The following PCDH15 variants were observed in gnomAD, a reference collection of about 807,000 sequenced individuals.
The protein encoded by PCDH15 is protocadherin related 15, also known as protocadherin-15.
PCDH15 carries 129 observed loss-of-function variants against 178.5 expected under a neutral mutation model. That is an observed-to-expected ratio of 0.72 (90% CI 0.63 to 0.84). The LOEUF (loss-of-function observed/expected upper bound fraction) is 0.84, where lower values mean the gene tolerates loss of function less well. Ranked by LOEUF, PCDH15 falls within the 40% of genes least tolerant of loss-of-function variation. The pLI, the probability that PCDH15 is intolerant of heterozygous loss-of-function variation, is 0.00. For missense variants in PCDH15, 2,230 were observed against 2,099.9 expected, an observed-to-expected ratio of 1.06 and a Z score of -1.21; for synonymous variants, 800 against 732.0, an observed-to-expected ratio of 1.09 and a Z score of -1.50.
chr10:54,973,490 G>A (rs1167969169), intron 2 of PCDH15, among the ~76,000 whole-genome samples: 2 of 152,174 alleles, frequency 1.3e-5, no homozygotes, highest in East Asian at 3.9e-4. Context: ...TGTGCAGTTA[G>A]CTCTTAAGGG....
At chr10:55,618,809 T>A (rs1358183004) in intron 2 of PCDH15, among the ~76,000 whole-genome samples, 2 of 151,982 alleles carry the variant, frequency 1.3e-5, no homozygotes, top group Admixed American at 6.6e-5. Flanking sequence ...AAAAGGCCTA[T>A]GAGATATCAA....
chr10:54,983,233 G>C (rs931469901), intron 2 of PCDH15, among the ~76,000 whole-genome samples: 1 of 151,982 alleles, frequency 6.6e-6, no homozygotes, highest in South Asian at 2.1e-4. Context: ...TGTTACTTTA[G>C]GTACTTGTCA....
intron 2 of PCDH15, among the ~76,000 whole-genome samples, chr10:54,633,687 C>T (rs2093765136): frequency 6.6e-6 from 1 of 152,204 alleles, no homozygotes; most frequent in African/African-American, 2.4e-5. Flanking sequence ...CACACAAACA[C>T]TGGCTCACTG....
chr10:54,055,640 C>G (rs565666631), intron 18 of PCDH15, among the ~76,000 whole-genome samples: 1 of 152,288 alleles, frequency 6.6e-6, no homozygotes, highest in Non-Finnish European at 1.5e-5. Flanking sequence ...CTGATATTAG[C>G]TGAAAGCCTT....
chr10:54,865,909 A>G (rs111573850), intron 3 of PCDH15, among the ~76,000 whole-genome samples: 3 of 152,346 alleles, frequency 2.0e-5, no homozygotes, highest in African/African-American at 7.2e-5. Flanking sequence ...TCAGTGATCA[A>G]GGATAAAGAA....
At chr10:55,252,138 G>C (rs1279221747) in intron 1 of PCDH15, among the ~76,000 whole-genome samples, 2 of 152,086 alleles carry the variant, frequency 1.3e-5, no homozygotes, top group African/African-American at 4.8e-5. Flanking sequence ...AATGATATTT[G>C]TTCCACCAAA....
intron 3 of PCDH15, among the ~76,000 whole-genome samples, chr10:54,880,968 T>C (rs187973529): frequency 6.6e-6 from 1 of 151,896 alleles, no homozygotes; most frequent in Non-Finnish European, 1.5e-5. Context: ...AGAATACTCC[T>C]GTAGGTTCTC....
intron 2 of PCDH15, among the ~76,000 whole-genome samples, chr10:55,420,237 T>C (rs1838587322): frequency 6.6e-6 from 1 of 151,730 alleles, no homozygotes; most frequent in Non-Finnish European, 1.5e-5. Context: ...GACATTTCCA[T>C]TTGTTACATA....
At chr10:53,929,839 C>T (rs958693908) in intron 25 of PCDH15, among the ~76,000 whole-genome samples, 2 of 152,160 alleles carry the variant, frequency 1.3e-5, no homozygotes, top group African/African-American at 4.8e-5. Flanking sequence ...AAAGCTATGG[C>T]TTTCTTTTTT....
At chr10:55,018,107 C>T (rs2131951051) in intron 2 of PCDH15, among the ~76,000 whole-genome samples, 1 of 152,140 alleles carries the variant, frequency 6.6e-6, no homozygotes, top group Admixed American at 6.5e-5. Context: ...AGAAATTTGT[C>T]TTGAAGAGTA....
At position 53,806,534 on chromosome 10, in the gene PCDH15, A is replaced by G; in HGVS notation, c.*45T>C. The G allele has an allele frequency of 7.0e-7, 1 of 1,425,500 alleles. No individual in the cohort carries two copies. Among genetic ancestry groups the G allele is most frequent in the Non-Finnish European group, 9.5e-7 (1 of 1,053,592 alleles). 88.3% of individuals were successfully genotyped at this position (1,425,500 alleles called of 1,614,324 possible). The stretch of plus-strand genomic sequence containing the variant: ...GTGACAATAAAAAGCACAGTTTATT[A>G]AAAATGTAAGTAAAAATTAATTAAA... On this transcript the variant is annotated 3_prime_UTR_variant, in exon 38 of 38. Coordinates refer to ENST00000644397, the MANE Select transcript of PCDH15 (RefSeq NM_001384140.1).
At chr10:54,017,569 C>G (rs1385871196) in intron 20 of PCDH15, among the ~76,000 whole-genome samples, 1 of 152,060 alleles carries the variant, frequency 6.6e-6, no homozygotes, top group Non-Finnish European at 1.5e-5. Flanking sequence ...GTTCTCACCT[C>G]TAAATGGTAA....
rs56796339 is a variant in PCDH15 at position 55,251,325 on chromosome 10, A to G, written c.-156+68274T>C. ...GGATTATTTTTATTGTCTTTTTGTAACTACATCCACATCACTGAAGCAATC... is the reference window on the plus strand; with the variant it reads ...GGATTATTTTTATTGTCTTTTTGTAGCTACATCCACATCACTGAAGCAATC... On this transcript the variant is annotated intron_variant, in intron 1 of 5. Transcript: ENST00000458638. 3.8e-3 allele frequency among the ~76,000 whole-genome samples: 571 copies of G among 152,204 alleles called. 2 individuals carry two copies. Among genetic ancestry groups the G allele is most frequent in the African/African-American group, 0.013 (554 of 41,522 alleles).
intron 26 of PCDH15, among the ~76,000 whole-genome samples, chr10:53,894,374 G>A (rs529741925): frequency 2.0e-5 from 3 of 152,282 alleles, no homozygotes; most frequent in East Asian, 1.9e-4. Flanking sequence ...AGACGAGATC[G>A]GGCGCATTCA....
chr10:54,288,950 A>C (rs1014767021), intron 8 of PCDH15, among the ~76,000 whole-genome samples: 5 of 152,232 alleles, frequency 3.3e-5, no homozygotes, highest in African/African-American at 1.2e-4. Flanking sequence ...AGCTGAACAA[A>C]AAGCAGCAGG....
intron 2 of PCDH15, among the ~76,000 whole-genome samples, chr10:55,446,060 G>A (rs1839308849): frequency 6.6e-6 from 1 of 152,200 alleles, no homozygotes; most frequent in East Asian, 1.9e-4. Flanking sequence ...TCAGGCCTAT[G>A]CCTGAGGCCA....
At chr10:55,407,134 G>T (rs1246907057) in intron 2 of PCDH15, among the ~76,000 whole-genome samples, 1 of 151,032 alleles carries the variant, frequency 6.6e-6, no homozygotes, top group Non-Finnish European at 1.5e-5. Flanking sequence ...TTGAGGAACT[G>T]AAGATACATG....
intron 26 of PCDH15, 39 bp downstream of exon 26, chr10:53,903,204 T>G: frequency 6.2e-7 from 1 of 1,608,938 alleles, no homozygotes; most frequent in Non-Finnish European, 8.5e-7. Context: ...AAACCTGAGC[T>G]TTTACTTTAG....
intron 1 of PCDH15, among the ~76,000 whole-genome samples, chr10:54,796,176 C>A (rs894890789): frequency 1.3e-5 from 2 of 151,782 alleles, no homozygotes; most frequent in East Asian, 1.9e-4. Flanking sequence ...CATTTAATTT[C>A]ATTCTCCATG....
Sources: gnomAD v4.1 joint callset for allele counts (sites outside exome capture counted in the v4.1 genomes callset) on GRCh38, gnomAD v4.1.1 for gene constraint, MANE v1.5 for transcripts, NCBI Gene and HGNC (gene_info 2026-07-23, HGNC 2026-07-21) for gene names.